Variants in AMPH observed in about 807,000 individuals in gnomAD.
The protein encoded by AMPH is amphiphysin (Stiff-Mann syndrome with breast cancer 128kD autoantigen).
A neutral mutation model predicts 99.1 loss-of-function variants in AMPH; 49 were observed. The ratio of observed to expected loss-of-function variants is 0.49; its 90% CI spans 0.39 to 0.63. The LOEUF (loss-of-function observed/expected upper bound fraction) is 0.63, where lower values mean the gene tolerates loss of function less well. Ranked by LOEUF, AMPH falls within the 20% of genes least tolerant of loss-of-function variation. The pLI, the probability that AMPH is intolerant of heterozygous loss-of-function variation, is 0.00. For missense variants in AMPH, 759 were observed against 863.4 expected, an observed-to-expected ratio of 0.88 and a Z score of 1.52; for synonymous variants, 314 against 317.3, an observed-to-expected ratio of 0.99 and a Z score of 0.11.
chr7:38,562,992 A>C (rs36017485), intron 1 of AMPH, among the ~76,000 whole-genome samples: 3,412 of 152,198 alleles, frequency 0.022, 59 homozygotes, highest in Non-Finnish European at 0.032. Context: ...AGTCAACTAC[A>C]TTTGCACCCA....
In AMPH at chr7:38,447,748, A is replaced by C. The variant is rs1408554591; in HGVS notation, c.1018-11360T>G. Among the ~76,000 whole-genome samples, 3 of 121,042 alleles carry C rather than the reference A, an allele frequency of 2.5e-5. No homozygotes were observed. The East Asian group carries it at 1.3e-3, about 52-fold the overall frequency. 79.4% of individuals were successfully genotyped at this position (121,042 alleles called of 152,430 possible). A position where few individuals can be genotyped will look rare whatever the true frequency, so the allele number is the denominator to read the frequency against. ...CTCATGGCTGCATGCAAACAGACAG[A>C]TAAACACACACACACACACACACAC... On this transcript the variant is annotated intron_variant, in intron 11 of 20. Coordinates refer to ENST00000356264, the MANE Select transcript of AMPH (RefSeq NM_001635.4).
rs75986987 is a variant in AMPH, at chr7:38,384,093, A to T, written c.*725T>A. ...CCTGAAAACTGCACAGTACAAACAC[A>T]GATACTGTTGACTCTTTTGCCAATG... On this transcript the variant is annotated 3_prime_UTR_variant, in exon 21 of 21. Transcript: ENST00000356264. 0.099 allele frequency: 15,055 copies of T among 152,442 alleles called. 912 individuals are homozygous for T. The highest frequency in any genetic ancestry group is 0.18 in the Middle Eastern group (54 of 294). 9.4% of individuals were successfully genotyped at this position (152,442 alleles called of 1,614,324 possible).
chr7:38,528,957 AT>A (rs921322771), intron 2 of AMPH, among the ~76,000 whole-genome samples: 2 of 151,888 alleles, frequency 1.3e-5, no homozygotes, highest in African/African-American at 4.8e-5. Context: ...CAGATAATCA[AT>A]TTTTTTCCCA....
chr7:38,524,128 TA>T (rs1790074573), intron 2 of AMPH, among the ~76,000 whole-genome samples: 1 of 152,150 alleles, frequency 6.6e-6, no homozygotes. Flanking sequence ...CTTTCTTCTG[TA>T]GTAATCTTCC....
intron 17 of AMPH, among the ~76,000 whole-genome samples, chr7:38,412,737 C>A (rs565639848): frequency 7.8e-4 from 119 of 152,314 alleles, no homozygotes; most frequent in Non-Finnish European, 1.4e-3. Context: ...AGATCATCTG[C>A]CCTTCTTTTT....
intron 17 of AMPH, among the ~76,000 whole-genome samples, chr7:38,399,725 A>G (rs1784788413): frequency 6.6e-6 from 1 of 152,206 alleles, no homozygotes; most frequent in Non-Finnish European, 1.5e-5. Context: ...AAGACCAGGG[A>G]CTGAATCTGC....
At chr7:38,595,736 G>C (rs1253222207) in intron 1 of AMPH, among the ~76,000 whole-genome samples, 1 of 152,154 alleles carries the variant, frequency 6.6e-6, no homozygotes, top group Non-Finnish European at 1.5e-5. Flanking sequence ...ACCTCTAGTA[G>C]TTCCCAGCGT....
intron 2 of AMPH, among the ~76,000 whole-genome samples, chr7:38,528,102 G>T (rs1235403427): frequency 6.6e-6 from 1 of 152,136 alleles, no homozygotes; most frequent in South Asian, 2.1e-4. Context: ...ATCCTATTTG[G>T]TCAAGGTGTA....
At chr7:38,393,334 C>A (rs1562723300) in intron 18 of AMPH, among the ~76,000 whole-genome samples, 1 of 152,156 alleles carries the variant, frequency 6.6e-6, no homozygotes, top group Non-Finnish European at 1.5e-5. Flanking sequence ...TACCATTAAG[C>A]CCTCTCTTAA....
chr7:38,472,210 T>C (rs1316220697), intron 7 of AMPH, among the ~76,000 whole-genome samples: 1 of 152,172 alleles, frequency 6.6e-6, no homozygotes, highest in African/African-American at 2.4e-5. Flanking sequence ...TCATACCCAG[T>C]ATTATGCATT....
chr7:38,405,813 C>T (rs563921340), intron 17 of AMPH, among the ~76,000 whole-genome samples: 7 of 152,218 alleles, frequency 4.6e-5, no homozygotes, highest in African/African-American at 1.7e-4. Flanking sequence ...AGACTGATCA[C>T]CAAGGCAGAA....
At chr7:38,452,519 C>T (rs1376910614) in intron 11 of AMPH, among the ~76,000 whole-genome samples, 1 of 152,192 alleles carries the variant, frequency 6.6e-6, no homozygotes, top group Non-Finnish European at 1.5e-5. Context: ...CTGATCAACA[C>T]ATCTAAGGTT....
intron 2 of AMPH, among the ~76,000 whole-genome samples, chr7:38,512,419 T>C (rs986339726): frequency 6.6e-6 from 1 of 152,200 alleles, no homozygotes; most frequent in African/African-American, 2.4e-5. Context: ...AATGGTACAG[T>C]CAACCTGGGA....
intron 1 of AMPH, among the ~76,000 whole-genome samples, chr7:38,610,351 A>AG (rs1562860620): frequency 8.1e-5 from 4 of 49,172 alleles, no homozygotes; most frequent in African/African-American, 4.3e-4. Flanking sequence ...AAGAAAAGAA[A>AG]AGAAAAGAAA....
intron 1 of AMPH, among the ~76,000 whole-genome samples, chr7:38,606,752 T>G (rs958287190): frequency 6.6e-6 from 1 of 151,984 alleles, no homozygotes; most frequent in Non-Finnish European, 1.5e-5. Flanking sequence ...TTTTAAACTT[T>G]TTTGTAGAGA....
chr7:38,489,280 G>T (rs1788629400), intron 5 of AMPH, among the ~76,000 whole-genome samples: 1 of 151,848 alleles, frequency 6.6e-6, no homozygotes, highest in Admixed American at 6.6e-5. Flanking sequence ...TGGGAAAACT[G>T]GATATTTACA....
At chr7:38,628,846 G>T (rs1794353999) in intron 1 of AMPH, among the ~76,000 whole-genome samples, 1 of 152,040 alleles carries the variant, frequency 6.6e-6, no homozygotes, top group African/African-American at 2.4e-5. Flanking sequence ...AATCTTCACT[G>T]ACTTTCAGTA....
At chr7:38,454,988 T>A (rs1260969761) in intron 11 of AMPH, among the ~76,000 whole-genome samples, 1 of 152,200 alleles carries the variant, frequency 6.6e-6, no homozygotes, top group Non-Finnish European at 1.5e-5. Context: ...AAAATTGATA[T>A]ATACTCAGTG....
intron 1 of AMPH, among the ~76,000 whole-genome samples, chr7:38,565,939 T>A (rs1478462630): frequency 1.3e-5 from 2 of 152,166 alleles, no homozygotes; most frequent in African/African-American, 4.8e-5. Flanking sequence ...AATGCAACAT[T>A]TACAAAACTA....
Sources: allele counts gnomAD v4.1 joint callset (sites outside exome capture counted in the v4.1 genomes callset), GRCh38; gene constraint gnomAD v4.1.1; transcripts MANE v1.5; gene names NCBI Gene and HGNC (gene_info 2026-07-23, HGNC 2026-07-21).